LDHAL6A: variants seen among roughly 807,000 people sequenced by gnomAD.
The protein encoded by LDHAL6A is lactate dehydrogenase A like 6A, also known as L-lactate dehydrogenase A-like 6A.
A neutral mutation model predicts 28.2 loss-of-function variants in LDHAL6A; 19 were observed. The observed-to-expected ratio is 0.67, with a 90% confidence interval of 0.47 to 0.99. The LOEUF (loss-of-function observed/expected upper bound fraction) is 0.99, where lower values mean the gene tolerates loss of function less well. Among genes scored for constraint, LDHAL6A ranks in the 50% least tolerant of loss-of-function variants. The pLI, the probability that LDHAL6A is intolerant of heterozygous loss-of-function variation, is 0.00. For missense variants in LDHAL6A, 372 were observed against 398.6 expected (o/e 0.93, Z 0.57); for synonymous variants, 144 against 134.4 (o/e 1.07, Z -0.49).
chr11:18,469,219 CTG>C, intron 3 of LDHAL6A: 2 of 631,850 alleles, frequency 3.2e-6, no homozygotes, highest in South Asian at 3.6e-5. Flanking sequence ...GCACTGAAGT[CTG>C]TGGGGACAGT....
chr11:18,462,213 A>G (rs1848930320), intron 1 of LDHAL6A, among the ~76,000 whole-genome samples: 2 of 152,020 alleles, frequency 1.3e-5, no homozygotes, highest in Non-Finnish European at 2.9e-5. Flanking sequence ...AGATACATAC[A>G]AGGCCGGGCG....
At chr11:18,456,843 G>A (rs762891490) in intron 1 of LDHAL6A, 37 bp downstream of exon 1, 1 of 1,591,772 alleles carries the variant, frequency 6.3e-7, no homozygotes, top group South Asian at 1.1e-5. Flanking sequence ...GTTCACCTCA[G>A]TTGGAGGCGA....
In LDHAL6A at chr11:18,465,432, T is replaced by G. The variant is rs905903336; in HGVS notation, c.245-205T>G. Among the ~76,000 whole-genome samples, 7 of 150,830 alleles carry G rather than the reference T, an allele frequency of 4.6e-5. No individual in the cohort carries two copies. In the East Asian group the frequency reaches 7.8e-4, roughly 17 times the overall value. ...GCCACTGCACATGACTTACGTTTTTTTTTTTTTTTTTATTATTAAAAAAAA... is the reference window on the plus strand; with the variant it reads ...GCCACTGCACATGACTTACGTTTTTGTTTTTTTTTTTATTATTAAAAAAAA... On this transcript the variant is annotated intron_variant, in intron 2 of 6. Transcript: ENST00000280706.
intron 3 of LDHAL6A, among the ~76,000 whole-genome samples, chr11:18,469,571 A>G (rs1216512369): frequency 6.6e-6 from 1 of 152,236 alleles, no homozygotes; most frequent in Non-Finnish European, 1.5e-5. Context: ...AGTAAAAATA[A>G]GGAAAAATAA....
At chr11:18,471,547 A>G (rs1282272397) in intron 3 of LDHAL6A, among the ~76,000 whole-genome samples, 1 of 152,064 alleles carries the variant, frequency 6.6e-6, no homozygotes, top group Non-Finnish European at 1.5e-5. Flanking sequence ...CACTGTTGAC[A>G]TTATTTTAAT....
rs925330999 is a variant in LDHAL6A at position 18,476,360 on chromosome 11, G to C, written c.593-24G>C. On this transcript the variant is annotated intron_variant, in intron 4 of 6. Coordinates refer to ENST00000280706, the MANE Select transcript of LDHAL6A (RefSeq NM_144972.5). ...CCCTGCTAATACCATGTAAGAAGTG[G>C]GATTTTGGGTGTCTCTTTCTTAGTT... The C allele has an allele frequency of 5.0e-6, 8 of 1,605,278 alleles. No homozygotes were observed. In the African/African-American group the frequency reaches 1.1e-4, roughly 22 times the overall value.
chr11:18,473,365 T>G (rs550211056), intron 3 of LDHAL6A, among the ~76,000 whole-genome samples: 1 of 151,948 alleles, frequency 6.6e-6, no homozygotes, highest in South Asian at 2.1e-4. Flanking sequence ...TTATAAAAAC[T>G]AATTGATAGA....
chr11:18,476,556 G>A (rs1337487439), intron 5 of LDHAL6A, 55 bp downstream of exon 5: 1 of 1,580,634 alleles, frequency 6.3e-7, no homozygotes, highest in African/African-American at 1.4e-5. Flanking sequence ...CCTGAACTCT[G>A]TTAGAAGGTT....
chr11:18,474,125 G>A (rs1849311792), intron 3 of LDHAL6A, among the ~76,000 whole-genome samples: 1 of 152,068 alleles, frequency 6.6e-6, no homozygotes. Context: ...TGTCGCCCAG[G>A]CTGGAGTGCA....
chr11:18,455,870 AC>A lies in LDHAL6A; in HGVS notation c.-809del, dbSNP rs1158586735. On this transcript the variant is annotated 5_prime_UTR_variant, in exon 1 of 7. Transcript: ENST00000280706. ...CTTCGCAGCCCGCTTCCGGCCTCACACCTGCCAAGCATCACACCTGCCAAGC... is the reference window on the plus strand; with the variant it reads ...CTTCGCAGCCCGCTTCCGGCCTCACACTGCCAAGCATCACACCTGCCAAGC... 1 of 3,154 alleles carries A rather than the reference AC, an allele frequency of 3.2e-4. No individual in the cohort carries two copies. Among genetic ancestry groups the A allele is most frequent in the Non-Finnish European group, 6.5e-4 (1 of 1,550 alleles). The allele number at this position is 3,154 out of a possible 1,614,324, so 0.2% of individuals were successfully genotyped here. A position where few individuals can be genotyped will look rare whatever the true frequency, so the allele number is the denominator to read the frequency against.
chr11:18,473,135 T>C (rs1442471941), intron 3 of LDHAL6A, among the ~76,000 whole-genome samples: 1 of 152,350 alleles, frequency 6.6e-6, no homozygotes, highest in Non-Finnish European at 1.5e-5. Flanking sequence ...CACCTCTTCA[T>C]TGTCCTGCTG....
chr11:18,475,699 T>C (rs1849359732), intron 4 of LDHAL6A, 60 bp downstream of exon 4: 12 of 1,432,688 alleles, frequency 8.4e-6, no homozygotes, highest in African/African-American at 1.4e-5. Context: ...CATACAGACA[T>C]TTAATGTAAA....
Position 18,463,959 on chromosome 11 carries a change from AGGG to A in LDHAL6A, c.127-1_128del, listed in dbSNP as rs774824721. The A allele has an allele frequency of 3.7e-6, 6 of 1,601,306 alleles. No homozygotes were observed. In the Admixed American group the frequency reaches 1.0e-4, roughly 27 times the overall value. On this transcript the variant is annotated splice_acceptor_variant and coding_sequence_variant, in exon 2 of 7. Transcript: ENST00000280706. LOFTEE classifies it high-confidence loss of function. ...ACCCATTGGACTAACAATGTTTTTC[AGGG>A]TTTGAGTGATGAACTTGTCCTTGTG...
In LDHAL6A at chr11:18,477,735, CTAAG is replaced by C; in HGVS notation, c.831_834del (p.Ser277ArgfsTer6). 1.2e-6 allele frequency: 2 copies of C among 1,604,602 alleles called. No homozygotes were observed. Among genetic ancestry groups the C allele is most frequent in the South Asian group, 1.1e-5 (1 of 88,614 alleles). ...TAGGAGAGTGCATCCAGTTTCTACC[CTAAG>C]TAAGGTAGGACATTCATGTTCGAAA... On this transcript the variant is annotated frameshift_variant, in exon 6 of 7. Coordinates refer to ENST00000280706, the MANE Select transcript of LDHAL6A (RefSeq NM_144972.5). LOFTEE classifies it low-confidence loss of function (END_TRUNC).
intron 6 of LDHAL6A, among the ~76,000 whole-genome samples, chr11:18,478,104 A>G (rs1258946555): frequency 6.6e-6 from 1 of 152,206 alleles, no homozygotes; most frequent in East Asian, 1.9e-4. Context: ...ATGAGATCTA[A>G]GAAAGCAGCA....
At chr11:18,460,671 G>A (rs1039823951) in intron 1 of LDHAL6A, among the ~76,000 whole-genome samples, 2 of 151,750 alleles carry the variant, frequency 1.3e-5, no homozygotes, top group Admixed American at 6.6e-5. Flanking sequence ...GAGGCAGGAA[G>A]CTTGCCTGAG....
chr11:18,466,837 A>G (rs931288473), intron 3 of LDHAL6A, among the ~76,000 whole-genome samples: 5 of 152,186 alleles, frequency 3.3e-5, no homozygotes, highest in Non-Finnish European at 7.3e-5. Flanking sequence ...TGCATTTACA[A>G]GGTGGACAAA....
chr11:18,470,861 A>G (rs1849240324), intron 3 of LDHAL6A, among the ~76,000 whole-genome samples: 1 of 151,816 alleles, frequency 6.6e-6, no homozygotes, highest in South Asian at 2.1e-4. Flanking sequence ...TAATTTTTGT[A>G]TTTTTAGTAG....
At chr11:18,463,083 G>T (rs552533704) in intron 1 of LDHAL6A, among the ~76,000 whole-genome samples, 13 of 151,902 alleles carry the variant, frequency 8.6e-5, no homozygotes, top group African/African-American at 2.7e-4. Context: ...AAATATTTTT[G>T]AGTTGGAAGG....
Sources: gnomAD v4.1 joint callset for allele counts (sites outside exome capture counted in the v4.1 genomes callset) on GRCh38, gnomAD v4.1.1 for gene constraint, MANE v1.5 for transcripts, NCBI Gene and HGNC (gene_info 2026-07-23, HGNC 2026-07-21) for gene names.